Variants in RGS7 observed in about 807,000 individuals in gnomAD.
The protein encoded by RGS7 is regulator of G protein signaling 7.
In RGS7, 27 loss-of-function variants were observed where a neutral mutation model predicts 81.1. The ratio of observed to expected loss-of-function variants is 0.33; its 90% CI spans 0.25 to 0.46. RGS7 has a LOEUF of 0.46. Among genes scored for constraint, RGS7 ranks in the 20% least tolerant of loss-of-function variants. The pLI, the probability that RGS7 is intolerant of heterozygous loss-of-function variation, is 1.00. For synonymous variants in RGS7, 208 were observed against 207.7 expected (o/e 1.00, Z -0.01); for missense variants, 396 against 607.4 (o/e 0.65, Z 3.66).
At chr1:241,253,624 C>G in intron 2 of RGS7, among the ~76,000 whole-genome samples, 1 of 152,154 alleles carries the variant, frequency 6.6e-6, no homozygotes, top group South Asian at 2.1e-4. Flanking sequence ...TTATTTGGTA[C>G]TTTATGCCCA....
chr1:241,152,602 C>T (rs1328338376), intron 2 of RGS7, among the ~76,000 whole-genome samples: 1 of 152,176 alleles, frequency 6.6e-6, no homozygotes, highest in Non-Finnish European at 1.5e-5. Flanking sequence ...TCAGGTACTT[C>T]TGGCTCTCTA....
chr1:241,319,867 C>A (rs1412888458), intron 2 of RGS7, among the ~76,000 whole-genome samples: 4 of 152,000 alleles, frequency 2.6e-5, no homozygotes, highest in Non-Finnish European at 4.4e-5. Flanking sequence ...CTGAGGCGGG[C>A]AGATCACGAG....
At chr1:240,898,589 G>A (rs892482165) in intron 6 of RGS7, among the ~76,000 whole-genome samples, 35 of 152,122 alleles carry the variant, frequency 2.3e-4, no homozygotes, top group African/African-American at 7.0e-4. Context: ...GTAGTTGAGC[G>A]CTTTTGAGTG....
At chr1:240,776,820 C>A (rs1224421312) in intron 18 of RGS7, among the ~76,000 whole-genome samples, 1 of 152,158 alleles carries the variant, frequency 6.6e-6, no homozygotes, top group Admixed American at 6.5e-5. Flanking sequence ...TACTTGTTCC[C>A]TGTTTCTAGC....
intron 3 of RGS7, among the ~76,000 whole-genome samples, chr1:241,017,667 T>C (rs570978679): frequency 4.6e-5 from 7 of 152,278 alleles, no homozygotes; most frequent in Non-Finnish European, 1.0e-4. Flanking sequence ...TGGTGAAAAG[T>C]CTTCTGTAAT....
chr1:241,227,483 A>G (rs1417740416), intron 2 of RGS7, among the ~76,000 whole-genome samples: 1 of 146,294 alleles, frequency 6.8e-6, no homozygotes, highest in Non-Finnish European at 1.5e-5. Flanking sequence ...CTATAATCCT[A>G]GCGCTTTGAG....
intron 6 of RGS7, among the ~76,000 whole-genome samples, chr1:240,924,126 C>T (rs1674030101): frequency 2.0e-5 from 3 of 152,168 alleles, no homozygotes; most frequent in African/African-American, 7.2e-5. Context: ...AACTTAAAAT[C>T]TGTCCCTGAA....
intron 3 of RGS7, among the ~76,000 whole-genome samples, chr1:240,993,765 C>G (rs1314998022): frequency 1.3e-5 from 2 of 151,938 alleles, no homozygotes; most frequent in African/African-American, 4.8e-5. Flanking sequence ...TCTAAGAACT[C>G]TTTGCCTAGA....
intron 10 of RGS7, among the ~76,000 whole-genome samples, chr1:240,820,970 T>C (rs955843537): frequency 3.3e-5 from 5 of 152,158 alleles, no homozygotes; most frequent in Non-Finnish European, 5.9e-5. Flanking sequence ...TCTCTTTCTT[T>C]CACGGTTGCT....
chr1:241,342,967 A>C (rs1013038881), intron 2 of RGS7, among the ~76,000 whole-genome samples: 2 of 152,042 alleles, frequency 1.3e-5, no homozygotes, highest in Non-Finnish European at 2.9e-5. Flanking sequence ...GTTCCTCAAA[A>C]AATTAAAAGT....
intron 2 of RGS7, among the ~76,000 whole-genome samples, chr1:241,280,741 T>C (rs1436691688): frequency 6.6e-6 from 1 of 152,228 alleles, no homozygotes. Context: ...GCTCAAGGAA[T>C]CTTCCTGCCT....
chr1:241,289,919 C>T (rs879670805), intron 2 of RGS7, among the ~76,000 whole-genome samples: 2 of 152,084 alleles, frequency 1.3e-5, no homozygotes, highest in African/African-American at 2.4e-5. Context: ...GTGCCTAGTG[C>T]GGAAGAGGAA....
At chr1:241,143,481 G>C (rs1269145642) in intron 2 of RGS7, among the ~76,000 whole-genome samples, 1 of 152,204 alleles carries the variant, frequency 6.6e-6, no homozygotes, top group Non-Finnish European at 1.5e-5. Flanking sequence ...CAGGCAAAAA[G>C]AGAGCTTGTG....
chr1:241,084,646 T>C lies in RGS7; in HGVS notation c.175+14020A>G, dbSNP rs1252135811. Reference sequence around the variant, plus strand: ...TGACCTCAAATTTTGCTCTTACCAGTTGGTGATAATCCTTTGGTAAGAGAG... The same window carrying C: ...TGACCTCAAATTTTGCTCTTACCAGCTGGTGATAATCCTTTGGTAAGAGAG... On this transcript the variant is annotated intron_variant, in intron 3 of 18. Transcript: ENST00000440928. Among the ~76,000 whole-genome samples the C allele has an allele frequency of 2.0e-5, 3 of 152,172 alleles. No homozygotes were observed. In the East Asian group the frequency reaches 5.8e-4, roughly 29 times the overall value.
At chr1:240,881,385 G>T (rs1666356825) in intron 6 of RGS7, among the ~76,000 whole-genome samples, 2 of 152,188 alleles carry the variant, frequency 1.3e-5, no homozygotes, top group Admixed American at 6.5e-5. Flanking sequence ...AGTATTAGGA[G>T]AAATACCTAA....
chr1:240,776,956 T>G (rs906103934), intron 18 of RGS7, among the ~76,000 whole-genome samples: 7 of 152,366 alleles, frequency 4.6e-5, no homozygotes, highest in African/African-American at 1.7e-4. Context: ...TTAGAAATCT[T>G]GTAAGTCAAC....
intron 9 of RGS7, among the ~76,000 whole-genome samples, chr1:240,831,630 CTTT>C (rs767275119): frequency 3.0e-5 from 4 of 135,382 alleles, no homozygotes; most frequent in Non-Finnish European, 4.8e-5. Flanking sequence ...TCCAGACATC[CTTT>C]TTTTTTTTTT....
At chr1:241,053,761 A>AG (rs1181724103) in intron 3 of RGS7, among the ~76,000 whole-genome samples, 2 of 152,162 alleles carry the variant, frequency 1.3e-5, no homozygotes, top group South Asian at 4.1e-4. Context: ...AACTGAATCA[A>AG]GGGGGGCAGT....
intron 9 of RGS7, among the ~76,000 whole-genome samples, chr1:240,838,004 T>TG (rs1297134151): frequency 6.6e-6 from 1 of 152,180 alleles, no homozygotes; most frequent in Non-Finnish European, 1.5e-5. Flanking sequence ...ACAAAGGATA[T>TG]GGGGGGCTCC....
Sources: allele counts gnomAD v4.1 joint callset (sites outside exome capture counted in the v4.1 genomes callset), GRCh38; gene constraint gnomAD v4.1.1; transcripts MANE v1.5; gene names NCBI Gene and HGNC (gene_info 2026-07-23, HGNC 2026-07-21).